SERPINI2: variants seen among roughly 807,000 people sequenced by gnomAD.
The protein encoded by SERPINI2 is serpin I2.
In SERPINI2, 48 loss-of-function variants were observed where a neutral mutation model predicts 47.3. The observed-to-expected ratio is 1.02, with a 90% CI of 0.81 to 1.29. The LOEUF (loss-of-function observed/expected upper bound fraction) is 1.29. SERPINI2 is among the 50% of genes most tolerant of loss of function. The pLI is 0.00. For synonymous variants in SERPINI2, 135 were observed against 149.3 expected (o/e 0.90, Z 0.70); for missense variants, 448 against 456.9 (o/e 0.98, Z 0.18).
chr3:167,459,068 GTTTT>G (rs1191963816), intron 5 of SERPINI2, among the ~76,000 whole-genome samples: 4 of 144,498 alleles, frequency 2.8e-5, no homozygotes, highest in African/African-American at 5.5e-5. Flanking sequence ...ACCAAAGGAA[GTTTT>G]TTTTTGTTTT....
chr3:167,450,515 C>T (rs1325541322), intron 6 of SERPINI2, among the ~76,000 whole-genome samples: 1 of 152,092 alleles, frequency 6.6e-6, no homozygotes, highest in Non-Finnish European at 1.5e-5. Flanking sequence ...AACTGCCTGG[C>T]TCATAATTGG....
At chr3:167,466,991 T>A in intron 3 of SERPINI2, 64 bp downstream of exon 3, 1 of 1,159,416 alleles carries the variant, frequency 8.6e-7, no homozygotes, top group Non-Finnish European at 1.2e-6. Context: ...ATTCTTTACT[T>A]TAGGATATTA....
intron 5 of SERPINI2, among the ~76,000 whole-genome samples, chr3:167,455,890 A>C (rs1045381834): frequency 6.6e-6 from 1 of 152,166 alleles, no homozygotes; most frequent in Admixed American, 6.5e-5. Flanking sequence ...CACAGCACTG[A>C]AGGGGGAAAT....
At chr3:167,460,035 G>T (rs1016752688) in intron 5 of SERPINI2, among the ~76,000 whole-genome samples, 1 of 152,146 alleles carries the variant, frequency 6.6e-6, no homozygotes, top group African/African-American at 2.4e-5. Flanking sequence ...TTCTCCTAAC[G>T]GTCTCAGTGA....
At chr3:167,468,458 G>A (rs529497465) in intron 2 of SERPINI2, among the ~76,000 whole-genome samples, 1 of 152,148 alleles carries the variant, frequency 6.6e-6, no homozygotes, top group East Asian at 1.9e-4. Flanking sequence ...TGTCCAGCTG[G>A]GTTACAGAGG....
intron 1 of SERPINI2, among the ~76,000 whole-genome samples, chr3:167,473,121 T>C (rs1750386534): frequency 6.6e-6 from 1 of 151,864 alleles, no homozygotes; most frequent in Admixed American, 6.6e-5. Context: ...AATTAAACTA[T>C]GGAGTCATTA....
upstream of SERPINI2, among the ~76,000 whole-genome samples, chr3:167,474,944 A>C (rs1253220468): frequency 1.3e-5 from 2 of 151,734 alleles, no homozygotes; most frequent in Non-Finnish European, 3.0e-5. Context: ...AAACTCATGT[A>C]AAAGAAATAA....
upstream of SERPINI2, among the ~76,000 whole-genome samples, chr3:167,476,213 A>C (rs1750476372): frequency 6.6e-6 from 1 of 151,900 alleles, no homozygotes; most frequent in South Asian, 2.1e-4. Flanking sequence ...TAATTTCAGA[A>C]ACAGTTTATA....
At chr3:167,469,895 A>G (rs1227379794) in intron 2 of SERPINI2, among the ~76,000 whole-genome samples, 1 of 152,124 alleles carries the variant, frequency 6.6e-6, no homozygotes, top group Non-Finnish European at 1.5e-5. Flanking sequence ...TCTCAGGTTT[A>G]TTACAAGGTT....
intron 7 of SERPINI2, 146 bp downstream of exon 7, chr3:167,449,170 T>C (rs1024445575): frequency 6.2e-6 from 4 of 647,168 alleles, no homozygotes; most frequent in Non-Finnish European, 1.1e-5. Flanking sequence ...GAACAGCGTA[T>C]ACAACCATTT....
rs199784960 is a variant in SERPINI2 at position 167,442,198 on chromosome 3, A to C, written c.1142-13T>G. The C allele has an allele frequency of 6.4e-7, 1 of 1,561,096 alleles. No homozygotes were observed. ...AACAGAATTGATTCTAGGGAAAAAAAAACAAAAAAATATACTTTAGGAATT... is the reference window on the plus strand; with the variant it reads ...AACAGAATTGATTCTAGGGAAAAAACAACAAAAAAATATACTTTAGGAATT... On this transcript the variant is annotated splice_polypyrimidine_tract_variant and intron_variant, in intron 8 of 8. Coordinates refer to ENST00000264677, the Ensembl canonical transcript of SERPINI2.
intron 7 of SERPINI2, among the ~76,000 whole-genome samples, chr3:167,448,647 C>G (rs1480220159): frequency 2.0e-5 from 3 of 152,114 alleles, no homozygotes; most frequent in Non-Finnish European, 2.9e-5. Flanking sequence ...CTCAGCCTCC[C>G]GAGTAGCTGG....
chr3:167,474,575 G>A (rs1369190376), upstream of SERPINI2, among the ~76,000 whole-genome samples: 1 of 151,598 alleles, frequency 6.6e-6, no homozygotes, highest in Non-Finnish European at 1.5e-5. Flanking sequence ...GAAAAAGAGT[G>A]GATATTGAAG....
chr3:167,474,084 G>T, exon 1 of SERPINI2: 1 of 1,019,100 alleles, frequency 9.8e-7, no homozygotes, highest in African/African-American at 1.7e-5. Context: ...AAACACCTGA[G>T]CGATCAAGGC....
chr3:167,453,422 C>T lies in SERPINI2; in HGVS notation c.867-389G>A, dbSNP rs537817617. Among the ~76,000 whole-genome samples, 15 of 152,236 alleles carry T rather than the reference C, an allele frequency of 9.9e-5. No homozygotes were observed. In the East Asian group the frequency reaches 2.5e-3, roughly 25 times the overall value. The stretch of plus-strand genomic sequence containing the variant: ...CATCAAAGATGGTTCCTGGCAGATG[C>T]CCATGACATGATGAGCAGGGAACAG... On this transcript the variant is annotated intron_variant, in intron 5 of 8. Coordinates refer to ENST00000264677, the Ensembl canonical transcript of SERPINI2.
chr3:167,444,862 C>T (rs1749428803), intron 8 of SERPINI2, among the ~76,000 whole-genome samples: 1 of 152,026 alleles, frequency 6.6e-6, no homozygotes, highest in Non-Finnish European at 1.5e-5. Context: ...TGTTACTTGG[C>T]CTTTGCATAT....
At chr3:167,473,280 ATG>A (rs1481455555) in intron 1 of SERPINI2, among the ~76,000 whole-genome samples, 1 of 151,762 alleles carries the variant, frequency 6.6e-6, no homozygotes. Flanking sequence ...TATCAAGCAA[ATG>A]TTTCATTAGG....
chr3:167,459,110 T>C (rs976657823), intron 5 of SERPINI2, among the ~76,000 whole-genome samples: 13 of 150,774 alleles, frequency 8.6e-5, no homozygotes, highest in Admixed American at 8.6e-4. Context: ...AGTCTCGCTC[T>C]GTCGCCCAGG....
intron 8 of SERPINI2, among the ~76,000 whole-genome samples, chr3:167,444,079 C>T (rs1244779092): frequency 6.6e-6 from 1 of 152,122 alleles, no homozygotes; most frequent in Non-Finnish European, 1.5e-5. Flanking sequence ...GGATATTCTG[C>T]AATCTGCTTC....
Sources: gnomAD v4.1 joint callset for allele counts (sites outside exome capture counted in the v4.1 genomes callset) on GRCh38, gnomAD v4.1.1 for gene constraint, MANE v1.5 for transcripts, NCBI Gene and HGNC (gene_info 2026-07-23, HGNC 2026-07-21) for gene names.